MFSD12: variants seen among roughly 807,000 people sequenced by gnomAD.
MFSD12 encodes major facilitator superfamily domain-containing protein 12.
Under a neutral mutation model 51.2 loss-of-function variants are expected in MFSD12, and 67 were observed. The observed-to-expected ratio is 1.31, with a 90% CI of 1.08 to 1.60. MFSD12 has a LOEUF of 1.60. MFSD12 is among the 40% of genes most tolerant of loss of function. The probability of loss-of-function intolerance (pLI) is 0.00; values close to 1 mark genes in which losing one functional copy is unlikely to be tolerated. For synonymous variants in MFSD12, 441 were observed against 316.7 expected (o/e 1.39, Z -4.17); for missense variants, 921 against 673.0 (o/e 1.37, Z -4.08).
At chr19:3,545,512 G>C (rs966296278) in intron 8 of MFSD12, among the ~76,000 whole-genome samples, 5 of 152,202 alleles carry the variant, frequency 3.3e-5, no homozygotes, top group African/African-American at 1.2e-4. Context: ...CATTGGCCTG[G>C]AATGCTCTGA....
At chr19:3,538,340 C>A in exon 5 of MFSD12, 1 of 192,060 alleles carries the variant, frequency 5.2e-6, no homozygotes, top group Non-Finnish European at 1.1e-5. Flanking sequence ...AGTGAGGTGG[C>A]GTTCAGTACC....
chr19:3,550,880 G>A lies in MFSD12; in HGVS notation c.509+104C>T. ...AAAAATAAACATGAAAGACTGCCTG[G>A]TCTCGAGCTGCCGAGTCTGTGGCCG... On this transcript the variant is annotated intron_variant, in intron 2 of 9. Coordinates refer to ENST00000355415, the MANE Select transcript of MFSD12 (RefSeq NM_174983.5). 6 of 921,108 alleles carry A rather than the reference G, an allele frequency of 6.5e-6. No individual in the cohort carries two copies. The South Asian group carries it at 7.9e-5, about 12-fold the overall frequency. The allele number at this position is 921,108 out of a possible 1,614,324, so 57.1% of individuals were successfully genotyped here.
downstream of MFSD12, chr19:3,543,193 C>A (rs557174717): frequency 2.0e-6 from 3 of 1,530,462 alleles, no homozygotes; most frequent in Non-Finnish European, 2.6e-6. Context: ...AAAGCACTCG[C>A]TGTAGACATG....
chr19:3,544,537 T>C lies in MFSD12; in HGVS notation c.*173A>G. On this transcript the variant is annotated 3_prime_UTR_variant, in exon 10 of 10. Transcript: ENST00000355415. The stretch of plus-strand genomic sequence containing the variant: ...AACCCAGGGGGTCCTTGCAAGTCCC[T>C]GGCGGGCATCCCTGCTGCCCTCACC... The C allele has an allele frequency of 1.4e-6, 2 of 1,411,998 alleles. No homozygotes were observed. Among genetic ancestry groups the C allele is most frequent in the Non-Finnish European group, 1.8e-6 (2 of 1,085,732 alleles). The allele number at this position is 1,411,998 out of a possible 1,614,324, so 87.5% of individuals were successfully genotyped here.
chr19:3,548,909 G>A (rs904012737), intron 2 of MFSD12, among the ~76,000 whole-genome samples: 8 of 152,182 alleles, frequency 5.3e-5, no homozygotes, highest in African/African-American at 1.9e-4. Context: ...TGGCCATAAT[G>A]GGGAACTCAA....
In MFSD12 at chr19:3,557,217, G is replaced by A. The variant is rs2145231765; in HGVS notation, c.187C>T (p.Leu63=). ...AGCCCGTCGGCCACCTGGCCCAGCA[G>A]CAGCAGCAGCCCCGCGCCGCGGGAG... is the stretch of plus-strand genomic sequence containing the variant. The part of the protein sequence containing the change: ...YSSRGAGLLL[L]LGQVADGLCT... Residue 63 remains leucine, a synonymous_variant, in exon 1 of 10, where the codon CTG becomes TTG. Coordinates refer to ENST00000355415, the MANE Select transcript of MFSD12 (RefSeq NM_174983.5). 4 of 1,584,572 alleles carry A rather than the reference G, an allele frequency of 2.5e-6. No homozygotes were observed. Among genetic ancestry groups the A allele is most frequent in the Admixed American group, 3.6e-5 (2 of 56,330 alleles).
downstream of MFSD12, chr19:3,543,293 C>A (rs990754264): frequency 6.5e-7 from 1 of 1,548,658 alleles, no homozygotes. Context: ...GCAGGCCACA[C>A]GCTGGAAGTA....
At chr19:3,543,782 A>AC (rs2030673583), downstream of MFSD12, 1 of 1,492,032 alleles carries the variant, frequency 6.7e-7, no homozygotes, top group South Asian at 1.3e-5. Context: ...CTTGCTGGCC[A>AC]ACGGCGAGGA....
At chr19:3,538,861 G>A (rs1342245940) in intron 4 of MFSD12, 1 of 590,060 alleles carries the variant, frequency 1.7e-6, no homozygotes, top group Non-Finnish European at 3.3e-6. Flanking sequence ...TGCGATCGAA[G>A]GGGCAGGGGG....
chr19:3,544,864 C>G lies in MFSD12; in HGVS notation c.1365G>C (p.Val455=). ...GGCTACAGAGACACAGGGCAGCGGC[C>G]ACGCCCACGCCGCCCGTCACAGCCA... ...AMVAVTGGVG[V]AAALCLCSLL... The change falls in exon 9 of 10, where the codon GTG becomes GTC. Residue 455 remains valine, a synonymous_variant. Coordinates refer to ENST00000355415, the MANE Select transcript of MFSD12 (RefSeq NM_174983.5). 2 of 1,611,416 alleles carry G rather than the reference C, an allele frequency of 1.2e-6. No individual in the cohort carries two copies. The highest frequency in any genetic ancestry group is 1.7e-6 in the Non-Finnish European group (2 of 1,179,444).
intron 4 of MFSD12, 74 bp downstream of exon 4, chr19:3,547,774 A>G: frequency 6.9e-7 from 1 of 1,440,438 alleles, no homozygotes; most frequent in Non-Finnish European, 9.2e-7. Context: ...GTCTGGACGC[A>G]GCTGCCCCAC....
Position 3,557,201 on chromosome 19 carries a change from G to A in MFSD12, c.203C>T (p.Ala68Val). The A allele has an allele frequency of 6.4e-7, 1 of 1,572,128 alleles. No homozygotes were observed. Among genetic ancestry groups the A allele is most frequent in the Non-Finnish European group, 8.6e-7 (1 of 1,161,848 alleles). Residue 68 changes from alanine (A) to valine (V), a missense_variant, in exon 1 of 10, where the codon GCC becomes GTC. Coordinates refer to ENST00000355415, the MANE Select transcript of MFSD12 (RefSeq NM_174983.5). ...CACGAGCGGTGTGCACAGCCCGTCG[G>A]CCACCTGGCCCAGCAGCAGCAGCAG... Reference protein sequence around the residue: ...AGLLLLLGQVADGLCTPLVGY... With the variant: ...AGLLLLLGQVVDGLCTPLVGY...
At chr19:3,557,036 A>C in intron 1 of MFSD12, 70 bp downstream of exon 1, 1 of 1,361,466 alleles carries the variant, frequency 7.3e-7, no homozygotes. Flanking sequence ...GGTGAGTCAG[A>C]GGGAGGAGGC....
rs2031227051 is a variant in MFSD12, at chr19:3,548,098, G to A, written c.654+25C>T. On this transcript the variant is annotated intron_variant, in intron 3 of 9. Coordinates refer to ENST00000355415, the MANE Select transcript of MFSD12 (RefSeq NM_174983.5). Reference sequence around the variant, plus strand: ...CCCGCCCCTGGCTCGAGGACTTCAGGCGACCCACCCGGACTCCAGCTCACC... The same window carrying A: ...CCCGCCCCTGGCTCGAGGACTTCAGACGACCCACCCGGACTCCAGCTCACC... 8 of 1,603,568 alleles carry A rather than the reference G, an allele frequency of 5.0e-6. No individual in the cohort carries two copies. In the South Asian group the frequency reaches 6.6e-5, roughly 13 times the overall value.
At chr19:3,538,651 G>C (rs2030095243) in exon 5 of MFSD12, 5 of 374,124 alleles carry the variant, frequency 1.3e-5, no homozygotes, top group South Asian at 8.2e-5. Context: ...TTCCAGCACG[G>C]TGGCGGCGCC....
At chr19:3,553,269 A>G (rs1371152233) in intron 1 of MFSD12, among the ~76,000 whole-genome samples, 1 of 151,678 alleles carries the variant, frequency 6.6e-6, no homozygotes, top group Non-Finnish European at 1.5e-5. Flanking sequence ...TGGCCTGGGG[A>G]CCTCGGGCAA....
intron 7 of MFSD12, 43 bp downstream of exon 7, chr19:3,546,212 T>C (rs1359359056): frequency 6.2e-7 from 1 of 1,607,740 alleles, no homozygotes; most frequent in Non-Finnish European, 8.5e-7. Context: ...CCCCGAGATC[T>C]AGGACCCGGC....
chr19:3,541,697 A>G, downstream of MFSD12: 1 of 985,274 alleles, frequency 1.0e-6, no homozygotes, highest in Non-Finnish European at 1.2e-6. Context: ...AACGGGGGTG[A>G]GTGCATGTAC....
intron 2 of MFSD12, 123 bp from the exon 3 acceptor site, chr19:3,548,390 C>T (rs1447138635): frequency 7.6e-7 from 1 of 1,321,826 alleles, no homozygotes; most frequent in Non-Finnish European, 1.0e-6. Flanking sequence ...CCAACCACTG[C>T]CACACTGGGT....
Sources: allele counts gnomAD v4.1 joint callset (sites outside exome capture counted in the v4.1 genomes callset), GRCh38; gene constraint gnomAD v4.1.1; transcripts MANE v1.5; gene names NCBI Gene and HGNC (gene_info 2026-07-23, HGNC 2026-07-21).